TMPRSS9: variants seen among roughly 807,000 people sequenced by gnomAD.
TMPRSS9 encodes transmembrane protease serine 9.
In TMPRSS9, 113 loss-of-function variants were observed where a neutral mutation model predicts 111.4. The ratio of observed to expected loss-of-function variants is 1.01; its 90% CI spans 0.87 to 1.19. The LOEUF (loss-of-function observed/expected upper bound fraction) is 1.19. Ranked by LOEUF, TMPRSS9 falls within the 50% of genes most tolerant of loss-of-function variation. TMPRSS9 has a pLI of 0.00. For synonymous variants in TMPRSS9, 805 were observed against 659.1 expected (o/e 1.22, Z -3.39); for missense variants, 1,803 against 1,513.1 (o/e 1.19, Z -3.18).
upstream of TMPRSS9, chr19:2,389,622 C>G (rs1244469455): frequency 1.4e-5 from 11 of 765,164 alleles, no homozygotes; most frequent in Non-Finnish European, 2.2e-5. Context: ...CCTGCCTCAG[C>G]CTCCCAAAGT....
At chr19:2,421,112 A>C (rs1971453411) in intron 13 of TMPRSS9, among the ~76,000 whole-genome samples, 1 of 150,740 alleles carries the variant, frequency 6.6e-6, no homozygotes, top group African/African-American at 2.4e-5. Flanking sequence ...AGGCTGAGGC[A>C]GGAGAATCAC....
intron 1 of TMPRSS9, among the ~76,000 whole-genome samples, chr19:2,393,189 T>A (rs924298231): frequency 6.6e-6 from 1 of 152,158 alleles, no homozygotes; most frequent in African/African-American, 2.4e-5. Flanking sequence ...GTAGAGGATT[T>A]GTTTTTTAAT....
chr19:2,404,542 C>CA lies in TMPRSS9; in HGVS notation c.671-820dup, dbSNP rs1022422326. ...TGAGCTACAGAGCAAAACTCTGTCT[C>CA]AAAAAAAAAAAAGCTGTCATTTTGC... is the stretch of plus-strand genomic sequence containing the variant. On this transcript the variant is annotated intron_variant, in intron 6 of 17. Coordinates refer to ENST00000648592, the Ensembl canonical transcript of TMPRSS9. Among the ~76,000 whole-genome samples, 602 of 117,650 alleles carry CA rather than the reference C, an allele frequency of 5.1e-3. 4 individuals carry two copies. The highest frequency in any genetic ancestry group is 8.7e-3 in the Middle Eastern group (2 of 230). 77.2% of individuals were successfully genotyped at this position (117,650 alleles called of 152,430 possible).
At chr19:2,362,448 T>C (rs1970208381) in intron 1 of TMPRSS9, among the ~76,000 whole-genome samples, 1 of 152,080 alleles carries the variant, frequency 6.6e-6, no homozygotes, top group African/African-American at 2.4e-5. Context: ...TGAGACCGTG[T>C]ATGGTTGTGT....
intron 1 of TMPRSS9, among the ~76,000 whole-genome samples, chr19:2,375,955 T>C (rs1978726): frequency 0.21 from 31,925 of 151,990 alleles, 5,638 homozygotes; most frequent in African/African-American, 0.48. Flanking sequence ...TTGCAGGGTG[T>C]TCCTCCTGTA....
intron 1 of TMPRSS9, among the ~76,000 whole-genome samples, chr19:2,379,701 C>T: frequency 6.9e-6 from 1 of 145,360 alleles, no homozygotes; most frequent in Non-Finnish European, 1.5e-5. Context: ...TTCCTTCCTT[C>T]CTTCCTCTCT....
chr19:2,415,825 G>C, exon 11 of TMPRSS9: 2 of 1,596,072 alleles, frequency 1.3e-6, no homozygotes, highest in Non-Finnish European at 1.7e-6. Flanking sequence ...GCTGTCTGCC[G>C]CCCACTGCTT....
At chr19:2,369,417 G>T (rs17763599) in intron 1 of TMPRSS9, among the ~76,000 whole-genome samples, 41,210 of 149,756 alleles carry the variant, frequency 0.28, 5,700 homozygotes, top group Middle Eastern at 0.38. Flanking sequence ...GTTAATGATT[G>T]TATTAGCTTT....
intron 1 of TMPRSS9, among the ~76,000 whole-genome samples, chr19:2,380,290 A>C (rs1280318569): frequency 8.6e-5 from 13 of 151,752 alleles, no homozygotes; most frequent in South Asian, 2.1e-4. Context: ...TCTTAAAAAA[A>C]AACAACAAAA....
In TMPRSS9 at chr19:2,405,433, T is replaced by TC. The variant is rs1241794059; in HGVS notation, c.734dup (p.Glu247GlyfsTer35). 19 of 1,607,178 alleles carry TC rather than the reference T, an allele frequency of 1.2e-5. No individual in the cohort carries two copies. Among genetic ancestry groups the TC allele is most frequent in the Non-Finnish European group, 1.5e-5 (18 of 1,177,864 alleles). On this transcript the variant is annotated frameshift_variant, in exon 7 of 18. Coordinates refer to ENST00000648592, the Ensembl canonical transcript of TMPRSS9. LOFTEE classifies it high-confidence loss of function. ...CAGGATCGTGGGCGGCATGGAAGCA[T>TC]CCCCGGGGGAGTTTCCGTGGCAAGC... is the stretch of plus-strand genomic sequence containing the variant.
chr19:2,393,409 C>G (rs1970640714), intron 1 of TMPRSS9, among the ~76,000 whole-genome samples: 1 of 152,134 alleles, frequency 6.6e-6, no homozygotes, highest in South Asian at 2.1e-4. Context: ...GCAAGCAAGA[C>G]CACGAACCCA....
Position 2,407,101 on chromosome 19 carries a change from G to C in TMPRSS9, c.843-1255G>C, listed in dbSNP as rs190673545. ...ATGTGTGAGCCACTGCACCCGGCTCGATATCATTTATCTTGATGGCTGAGA... is the reference window on the plus strand; with the variant it reads ...ATGTGTGAGCCACTGCACCCGGCTCCATATCATTTATCTTGATGGCTGAGA... On this transcript the variant is annotated intron_variant, in intron 7 of 17. Transcript: ENST00000648592. 2.6e-4 allele frequency among the ~76,000 whole-genome samples: 39 copies of C among 151,852 alleles called. No homozygotes were observed. In the East Asian group the frequency reaches 6.6e-3, roughly 26 times the overall value.
In TMPRSS9 at chr19:2,396,705, C is replaced by T. The variant is rs541492412; in HGVS notation, c.270+39C>T. ...GTGTTTGGGGGCCAGGGAGGAAGAG[C>T]GGGTGGCCGGGGGCTTTGACCTGGA... On this transcript the variant is annotated intron_variant, in intron 2 of 17. Coordinates refer to ENST00000648592, the Ensembl canonical transcript of TMPRSS9. 149 of 1,571,506 alleles carry T rather than the reference C, an allele frequency of 9.5e-5. No homozygotes were observed. In the East Asian group the frequency reaches 1.8e-3, roughly 19 times the overall value.
exon 4 of TMPRSS9, chr19:2,399,064 C>T (rs567369318): frequency 1.2e-6 from 2 of 1,613,380 alleles, no homozygotes; most frequent in African/African-American, 1.3e-5. Flanking sequence ...GCACTTTCTG[C>T]TGCGACCCCT....
chr19:2,386,243 C>T (rs906125770), upstream of TMPRSS9, among the ~76,000 whole-genome samples: 11 of 152,298 alleles, frequency 7.2e-5, no homozygotes, highest in East Asian at 5.8e-4. Context: ...CGGTGGCTCA[C>T]GCCTGTAATC....
chr19:2,426,056 A>G lies in TMPRSS9; in HGVS notation c.3250A>G (p.Arg1084Gly), dbSNP rs200394615. Residue 1084 changes from arginine (R) to glycine (G), a missense_variant, in exon 18 of 18, where the codon AGA becomes GGA. Physicochemically the swap from Arg to Gly is moderately radical, Grantham distance 125 (BLOSUM62 -2). Coordinates refer to ENST00000648592, the Ensembl canonical transcript of TMPRSS9. ...TGTCTATACCCGGGTGGCAGCTGTG[A>G]GAGGCTGGATAGGACAGCACATCCA... The G allele has an allele frequency of 2.2e-4, 361 of 1,609,492 alleles. 5 individuals carry two copies. The East Asian group carries it at 5.1e-3, about 23-fold the overall frequency.
Position 2,413,826 on chromosome 19 carries a change from C to CTACG in TMPRSS9, c.1383_1386dup (p.Asp463ThrfsTer2). On this transcript the variant is annotated frameshift_variant, in exon 10 of 18. Transcript: ENST00000648592. LOFTEE classifies it high-confidence loss of function. ...AGGGGTCTATGCCCGAGTCACCAGGCTACGTGACTGGATCCTGGAGGCCAC... is the reference window on the plus strand; with the variant it reads ...AGGGGTCTATGCCCGAGTCACCAGGCTACGTACGTGACTGGATCCTGGAGGCCAC... 1.2e-6 allele frequency: 2 copies of CTACG among 1,613,770 alleles called. No homozygotes were observed. Among genetic ancestry groups the CTACG allele is most frequent in the South Asian group, 2.2e-5 (2 of 91,086 alleles).
chr19:2,422,300 G>A (rs1971485517), intron 14 of TMPRSS9, 53 bp downstream of exon 15: 1 of 1,473,904 alleles, frequency 6.8e-7, no homozygotes. Context: ...ATGTTAATCA[G>A]CCTGGGCTGC....
rs1971211407 is a variant in TMPRSS9, at chr19:2,415,586, A to AC, written c.1574-82dup. On this transcript the variant is annotated intron_variant, in intron 10 of 17. Transcript: ENST00000648592. Reference sequence around the variant, plus strand: ...GCGGCATCTTCAGGGCCTGGCTGCAACCGGTGTCCTGGGACCACCCCACCG... The same window carrying AC: ...GCGGCATCTTCAGGGCCTGGCTGCAACCCGGTGTCCTGGGACCACCCCACCG... 11 of 1,285,230 alleles carry AC rather than the reference A, an allele frequency of 8.6e-6. 1 individual carries two copies. In the South Asian group the frequency reaches 1.9e-4, roughly 22 times the overall value. 79.6% of individuals were successfully genotyped at this position (1,285,230 alleles called of 1,614,324 possible). A position where few individuals can be genotyped will look rare whatever the true frequency, so the allele number is the denominator to read the frequency against.
Sources: allele counts gnomAD v4.1 joint callset (sites outside exome capture counted in the v4.1 genomes callset), GRCh38; gene constraint gnomAD v4.1.1; transcripts MANE v1.5; gene names NCBI Gene and HGNC (gene_info 2026-07-23, HGNC 2026-07-21).